The following ZRANB3 variants were observed in gnomAD, a reference collection of about 807,000 sequenced individuals.
The protein encoded by ZRANB3 is DNA annealing helicase and endonuclease ZRANB3.
Under a neutral mutation model 133.8 loss-of-function variants are expected in ZRANB3, and 125 were observed. That is an observed-to-expected ratio of 0.93 (90% CI 0.81 to 1.08). The LOEUF (loss-of-function observed/expected upper bound fraction) is 1.08. Ranked by LOEUF, ZRANB3 falls within the 50% of genes least tolerant of loss-of-function variation. The pLI, the probability that ZRANB3 is intolerant of heterozygous loss-of-function variation, is 0.00. For synonymous variants in ZRANB3, 387 were observed against 432.7 expected (o/e 0.89, Z 1.31); for missense variants, 1,229 against 1,275.5 (o/e 0.96, Z 0.56).
chr2:135,350,494 AT>A (rs1685155479), intron 4 of ZRANB3, among the ~76,000 whole-genome samples: 1 of 152,204 alleles, frequency 6.6e-6, no homozygotes. Context: ...TTCTGACAAT[AT>A]TTGCTTCTAT....
At chr2:135,236,337 C>CA (rs1189932882) in intron 12 of ZRANB3, among the ~76,000 whole-genome samples, 1 of 151,910 alleles carries the variant, frequency 6.6e-6, no homozygotes, top group Non-Finnish European at 1.5e-5. Flanking sequence ...TAGGAAGAAT[C>CA]AATGTCATGA....
intron 2 of ZRANB3, among the ~76,000 whole-genome samples, chr2:135,497,308 A>G (rs529183930): frequency 6.6e-6 from 1 of 152,310 alleles, no homozygotes; most frequent in East Asian, 1.9e-4. Flanking sequence ...GTAAGGCTGA[A>G]AGATTTATAC....
At chr2:135,331,073 ATTAG>A (rs1307368885) in intron 6 of ZRANB3, among the ~76,000 whole-genome samples, 1 of 151,828 alleles carries the variant, frequency 6.6e-6, no homozygotes, top group Non-Finnish European at 1.5e-5. Flanking sequence ...CTGCTCTGAT[ATTAG>A]TTAAACTATT....
intron 2 of ZRANB3, among the ~76,000 whole-genome samples, chr2:135,494,124 G>C (rs887086126): frequency 2.1e-5 from 3 of 141,690 alleles, no homozygotes; most frequent in African/African-American, 8.0e-5. Flanking sequence ...GAGGGAGGAA[G>C]GGAGGGAGAG....
chr2:135,403,275 G>T (rs757890954), intron 2 of ZRANB3, among the ~76,000 whole-genome samples: 3 of 152,110 alleles, frequency 2.0e-5, no homozygotes, highest in Non-Finnish European at 4.4e-5. Context: ...CTTTTCTAAC[G>T]GTCTTAGCAA....
intron 1 of ZRANB3, among the ~76,000 whole-genome samples, chr2:135,518,649 T>G (rs1222171621): frequency 6.6e-6 from 1 of 152,178 alleles, no homozygotes; most frequent in Non-Finnish European, 1.5e-5. Context: ...CAGAAATCAC[T>G]GGTCTTCTGA....
intron 2 of ZRANB3, among the ~76,000 whole-genome samples, chr2:135,392,355 A>AGGG (rs368812483): frequency 2.4e-5 from 2 of 81,990 alleles, no homozygotes; most frequent in East Asian, 3.7e-4. Flanking sequence ...AAAAAAAAAA[A>AGGG]GGGGGGGGGG....
intron 8 of ZRANB3, among the ~76,000 whole-genome samples, chr2:135,296,946 T>A (rs1232205232): frequency 6.6e-6 from 1 of 152,134 alleles, no homozygotes; most frequent in African/African-American, 2.4e-5. Context: ...AAGTTTTGTC[T>A]CAGAGGAGTA....
chr2:135,336,165 G>A (rs2104853828), intron 6 of ZRANB3, among the ~76,000 whole-genome samples: 1 of 152,344 alleles, frequency 6.6e-6, no homozygotes, highest in South Asian at 2.1e-4. Context: ...TACTTCTGCT[G>A]TCTGTCTCAA....
At chr2:135,415,396 G>T (rs1367034481) in intron 2 of ZRANB3, among the ~76,000 whole-genome samples, 1 of 152,138 alleles carries the variant, frequency 6.6e-6, no homozygotes, top group African/African-American at 2.4e-5. Context: ...ACTTTCCCAA[G>T]ACTAAACCAG....
chr2:135,221,907 TG>T (rs756829385), intron 15 of ZRANB3, among the ~76,000 whole-genome samples: 2 of 152,206 alleles, frequency 1.3e-5, no homozygotes, highest in Non-Finnish European at 2.9e-5. Context: ...TTGGGGATTC[TG>T]GTATTCAAAA....
chr2:135,267,985 T>G (rs1194794665), intron 11 of ZRANB3, among the ~76,000 whole-genome samples: 1 of 151,994 alleles, frequency 6.6e-6, no homozygotes, highest in Non-Finnish European at 1.5e-5. Flanking sequence ...AAAGCAGTAG[T>G]CAGCAACTTG....
intron 8 of ZRANB3, among the ~76,000 whole-genome samples, chr2:135,291,114 G>A (rs1028099878): frequency 9.2e-5 from 14 of 151,900 alleles, no homozygotes; most frequent in African/African-American, 2.7e-4. Context: ...CACCTGTCTC[G>A]GCCTCCCAAA....
At chr2:135,318,693 G>T (rs892322861) in intron 6 of ZRANB3, among the ~76,000 whole-genome samples, 1 of 152,050 alleles carries the variant, frequency 6.6e-6, no homozygotes, top group Non-Finnish European at 1.5e-5. Context: ...AAAAACTGGG[G>T]TTTTGTTACC....
intron 2 of ZRANB3, among the ~76,000 whole-genome samples, chr2:135,459,643 T>C (rs924260605): frequency 9.9e-5 from 15 of 152,142 alleles, no homozygotes; most frequent in African/African-American, 3.6e-4. Context: ...AAGTAAGATA[T>C]ACACAAAGAA....
At chr2:135,209,355 T>C (rs952749526) in intron 17 of ZRANB3, among the ~76,000 whole-genome samples, 1 of 152,212 alleles carries the variant, frequency 6.6e-6, no homozygotes, top group African/African-American at 2.4e-5. Context: ...AATCTCTAAC[T>C]GTATTTTACC....
At chr2:135,435,586 T>C (rs555937966) in intron 2 of ZRANB3, among the ~76,000 whole-genome samples, 3 of 152,352 alleles carry the variant, frequency 2.0e-5, no homozygotes, top group Non-Finnish European at 4.4e-5. Flanking sequence ...TCCACAATGG[T>C]TGAACTAATT....
chr2:135,241,099 A>G lies in ZRANB3; in HGVS notation c.1540-10172T>C, dbSNP rs140140736. ...ACTTAAGATACCTTATTAATTTTGAATACTATTATCTTTAGCTCTCGAAAA... is the reference window on the plus strand; with the variant it reads ...ACTTAAGATACCTTATTAATTTTGAGTACTATTATCTTTAGCTCTCGAAAA... On this transcript the variant is annotated intron_variant, in intron 12 of 20. Coordinates refer to ENST00000264159, the MANE Select transcript of ZRANB3 (RefSeq NM_032143.4). 3.0e-3 allele frequency among the ~76,000 whole-genome samples: 453 copies of G among 152,246 alleles called. 3 individuals carry two copies. The highest frequency in any genetic ancestry group is 0.01 in the African/African-American group (422 of 41,568).
chr2:135,489,406 T>A (rs1235167870), intron 2 of ZRANB3, among the ~76,000 whole-genome samples: 1 of 151,452 alleles, frequency 6.6e-6, no homozygotes, highest in Non-Finnish European at 1.5e-5. Flanking sequence ...CATGTATACA[T>A]ATGTAACTAA....
Sources: gnomAD v4.1 joint callset for allele counts (sites outside exome capture counted in the v4.1 genomes callset) on GRCh38, gnomAD v4.1.1 for gene constraint, MANE v1.5 for transcripts, NCBI Gene and HGNC (gene_info 2026-07-23, HGNC 2026-07-21) for gene names.